Variants in SLC2A2 observed in about 807,000 individuals in gnomAD.
SLC2A2 encodes solute carrier family 2 member 2.
In SLC2A2, 36 loss-of-function variants were observed where a neutral mutation model predicts 54.5. The observed-to-expected ratio is 0.66, with a 90% CI of 0.51 to 0.87. The LOEUF (loss-of-function observed/expected upper bound fraction) is 0.87. SLC2A2 is among the 40% of genes least tolerant of loss of function. The pLI is 0.00. For missense variants in SLC2A2, 543 were observed against 624.3 expected (o/e 0.87, Z 1.39); for synonymous variants, 223 against 219.1 (o/e 1.02, Z -0.16).
Position 171,014,349 on chromosome 3 carries a change from A to T in SLC2A2, c.371+120T>A, listed in dbSNP as rs150539315. The T allele has an allele frequency of 2.4e-3, 2,528 of 1,056,614 alleles. 4 individuals carry two copies. The highest frequency in any genetic ancestry group is 3.1e-3 in the Non-Finnish European group (2,153 of 701,148). The allele number at this position is 1,056,614 out of a possible 1,614,324, so 65.5% of individuals were successfully genotyped here. A position where few individuals can be genotyped will look rare whatever the true frequency, so the allele number is the denominator to read the frequency against. ...CACTGATATGCCTCATAGGGTCATG[A>T]GTTGAAAAAACAACTCTAAAGCTAT... On this transcript the variant is annotated intron_variant, in intron 3 of 10. Transcript: ENST00000314251.
chr3:171,014,318 A>G, intron 3 of SLC2A2, 151 bp downstream of exon 3: 2 of 769,690 alleles, frequency 2.6e-6, no homozygotes, highest in Non-Finnish European at 4.3e-6. Flanking sequence ...CATTGATTTG[A>G]TCTAACACTG....
intron 3 of SLC2A2, among the ~76,000 whole-genome samples, chr3:171,013,156 ATTTT>A (rs1261527282): frequency 1.3e-5 from 2 of 152,034 alleles, no homozygotes; most frequent in African/African-American, 2.4e-5. Flanking sequence ...TTACTTAAAA[ATTTT>A]TTTTAAAATT....
intron 1 of SLC2A2, among the ~76,000 whole-genome samples, chr3:171,023,035 A>T (rs1178766945): frequency 6.6e-6 from 1 of 152,222 alleles, no homozygotes. Context: ...GAATAACAAA[A>T]ATAGCAACTA....
rs1715185497 is a variant in SLC2A2, at chr3:170,998,237, A to G, written c.1330T>C (p.Trp444Arg). The G allele has an allele frequency of 6.2e-7, 1 of 1,613,732 alleles. No homozygotes were observed. The highest frequency in any genetic ancestry group is 1.3e-5 in the African/African-American group (1 of 74,920). The change falls in exon 10 of 11, where the codon TGG (tryptophan) becomes CGG (arginine). Residue 444 changes from tryptophan to arginine, a missense_variant. Physicochemically the swap from Trp to Arg is moderately radical, Grantham distance 101. Transcript: ENST00000314251. ...AGAGCTACAATGAAATTGCAGGTCC[A>G]ATTGCTGAATGCAGCTATTGCTAAA... is the stretch of plus-strand genomic sequence containing the variant. Reference protein sequence around the residue: ...AALAIAAFSNWTCNFIVALCF... With the variant: ...AALAIAAFSNRTCNFIVALCF...
At chr3:171,022,103 TTCTG>T (rs1716490331) in intron 1 of SLC2A2, among the ~76,000 whole-genome samples, 1 of 152,248 alleles carries the variant, frequency 6.6e-6, no homozygotes, top group African/African-American at 2.4e-5. Context: ...AGGACGATTA[TTCTG>T]TCTACCACAT....
chr3:171,005,614 A>G (rs1715558905), intron 6 of SLC2A2, 142 bp from the exon 7 acceptor site: 4 of 702,482 alleles, frequency 5.7e-6, no homozygotes, highest in Non-Finnish European at 9.6e-6. Context: ...TTTTTTGTTA[A>G]ATTAGATCCT....
chr3:171,017,094 C>T (rs181122674), intron 2 of SLC2A2, among the ~76,000 whole-genome samples: 33 of 152,144 alleles, frequency 2.2e-4, no homozygotes, highest in East Asian at 9.7e-4. Flanking sequence ...TCAGGTGATC[C>T]GCCAACCTCA....
chr3:171,016,946 G>A (rs745334320), intron 2 of SLC2A2, among the ~76,000 whole-genome samples: 8 of 150,428 alleles, frequency 5.3e-5, no homozygotes, highest in East Asian at 2.0e-4. Context: ...TCTGCCTCCC[G>A]GGTTCAAGTG....
chr3:171,020,564 A>T (rs200822584), intron 1 of SLC2A2, among the ~76,000 whole-genome samples: 1 of 152,190 alleles, frequency 6.6e-6, no homozygotes, highest in Non-Finnish European at 1.5e-5. Flanking sequence ...TATATGTGAT[A>T]TATAATATTG....
At chr3:171,005,864 T>C in intron 6 of SLC2A2, 79 bp downstream of exon 6, 1 of 1,391,104 alleles carries the variant, frequency 7.2e-7, no homozygotes, top group Non-Finnish European at 1.0e-6. Flanking sequence ...AATCACCAAC[T>C]TCATGTGGAA....
At chr3:171,009,294 C>G (rs764753397) in intron 4 of SLC2A2, among the ~76,000 whole-genome samples, 19 of 152,100 alleles carry the variant, frequency 1.2e-4, no homozygotes, top group Non-Finnish European at 2.4e-4. Context: ...TGGGAGGAAC[C>G]TCCTTCCTTT....
chr3:171,019,556 C>T (rs552905050), intron 1 of SLC2A2, among the ~76,000 whole-genome samples: 10 of 152,138 alleles, frequency 6.6e-5, no homozygotes, highest in South Asian at 2.1e-4. Context: ...ATCATGCATA[C>T]GGATACTTAG....
At position 170,996,445 on chromosome 3, in the gene SLC2A2, A is replaced by C. The variant is rs1715078027; in HGVS notation, c.*1458T>G. On this transcript the variant is annotated 3_prime_UTR_variant, in exon 11 of 11. Coordinates refer to ENST00000314251, the MANE Select transcript of SLC2A2 (RefSeq NM_000340.2). ...ATGTTCAGTGGTTTTTAATTATTTC[A>C]CTCTTAAAGAGTACTTTTTAAAAAG... is the stretch of plus-strand genomic sequence containing the variant. 1 of 393,680 alleles carries C rather than the reference A, an allele frequency of 2.5e-6. No homozygotes were observed. Among genetic ancestry groups the C allele is most frequent in the South Asian group, 1.4e-4 (1 of 7,000 alleles). 24.4% of individuals were successfully genotyped at this position (393,680 alleles called of 1,614,324 possible).
intron 8 of SLC2A2, among the ~76,000 whole-genome samples, chr3:171,000,452 G>A (rs1715287682): frequency 6.6e-6 from 1 of 151,672 alleles, no homozygotes; most frequent in Admixed American, 6.6e-5. Context: ...CTGAGGCCTG[G>A]TGTACACTCA....
At position 171,014,465 on chromosome 3, in the gene SLC2A2, C is replaced by T. The variant is rs541443764; in HGVS notation, c.371+4G>A. The T allele has an allele frequency of 2.5e-6, 4 of 1,613,928 alleles. No homozygotes were observed. The highest frequency in any genetic ancestry group is 1.3e-5 in the African/African-American group (1 of 74,998). ...GTTTATGCTTATTTATGAAATTTGC[C>T]TACCTTCCAAGTGTGTCCCCAAGCC... On this transcript the variant is annotated splice_donor_region_variant and intron_variant, in intron 3 of 10. Coordinates refer to ENST00000314251, the MANE Select transcript of SLC2A2 (RefSeq NM_000340.2).
chr3:170,998,157 C>T, intron 10 of SLC2A2, 36 bp downstream of exon 10: 4 of 1,613,208 alleles, frequency 2.5e-6, no homozygotes, highest in Non-Finnish European at 2.5e-6. Context: ...ACCCTCTCTT[C>T]TGTTCAGTAA....
intron 3 of SLC2A2, among the ~76,000 whole-genome samples, chr3:171,011,436 T>C (rs1016473297): frequency 6.6e-6 from 1 of 152,142 alleles, no homozygotes; most frequent in African/African-American, 2.4e-5. Context: ...CTATAGTTGG[T>C]CACTGCAAGC....
chr3:171,002,052 G>A lies in SLC2A2; in HGVS notation c.1068+524C>T, dbSNP rs1028507590. ...AACTACTTGGAAGCTCTGCTCAATG[G>A]CTTAATACCATTTGCTGAGTCTGTT... On this transcript the variant is annotated intron_variant, in intron 8 of 10. Coordinates refer to ENST00000314251, the MANE Select transcript of SLC2A2 (RefSeq NM_000340.2). Among the ~76,000 whole-genome samples, 113 of 151,834 alleles carry A rather than the reference G, an allele frequency of 7.4e-4. 1 individual carries two copies. The highest frequency in any genetic ancestry group is 3.3e-4 in the Admixed American group (5 of 15,216).
intron 2 of SLC2A2, among the ~76,000 whole-genome samples, chr3:171,015,362 T>G (rs1716098418): frequency 6.6e-6 from 1 of 151,962 alleles, no homozygotes; most frequent in South Asian, 2.1e-4. Context: ...CCCAGCTACT[T>G]GGAGGGGGCT....
Sources: gnomAD v4.1 joint callset for allele counts (sites outside exome capture counted in the v4.1 genomes callset) on GRCh38, gnomAD v4.1.1 for gene constraint, MANE v1.5 for transcripts, NCBI Gene and HGNC (gene_info 2026-07-23, HGNC 2026-07-21) for gene names.